Variants in RBBP5 observed in about 807,000 individuals in gnomAD.
RBBP5 encodes the protein retinoblastoma-binding protein 5.
Under a neutral mutation model 72.2 loss-of-function variants are expected in RBBP5, and 5 were observed. The observed-to-expected ratio is 0.07, with a 90% CI of 0.04 to 0.15. The LOEUF is 0.15. Among genes scored for constraint, RBBP5 ranks in the 10% least tolerant of loss-of-function variants. RBBP5 has a pLI of 1.00. For synonymous variants in RBBP5, 209 were observed against 237.2 expected, an observed-to-expected ratio of 0.88 and a Z score of 1.09; for missense variants, 322 against 652.2, an observed-to-expected ratio of 0.49 and a Z score of 5.51.
At chr1:205,098,063 T>C (rs1026507018) in intron 10 of RBBP5, among the ~76,000 whole-genome samples, 4 of 152,178 alleles carry the variant, frequency 2.6e-5, no homozygotes, top group African/African-American at 9.6e-5. Context: ...AGCTCCTATC[T>C]AGAAATTCAG....
chr1:205,088,573 T>G lies in RBBP5; in HGVS notation c.*214A>C. On this transcript the variant is annotated 3_prime_UTR_variant, in exon 14 of 14. Transcript: ENST00000264515. ...CTTCACAAATCTTCATTCCTGAGAGTCTATTTGGACTTATGCTTGAAAGGG... is the reference window on the plus strand; with the variant it reads ...CTTCACAAATCTTCATTCCTGAGAGGCTATTTGGACTTATGCTTGAAAGGG... 1 of 511,492 alleles carries G rather than the reference T, an allele frequency of 2.0e-6. No individual in the cohort carries two copies. The highest frequency in any genetic ancestry group is 3.4e-6 in the Non-Finnish European group (1 of 293,216). 31.7% of individuals were successfully genotyped at this position (511,492 alleles called of 1,614,324 possible).
At position 205,120,627 on chromosome 1, in the gene RBBP5, C is replaced by T. The variant is rs1367888526; in HGVS notation, c.19+1228G>A. Among the ~76,000 whole-genome samples the T allele has an allele frequency of 2.0e-5, 3 of 152,092 alleles. No individual in the cohort carries two copies. In the East Asian group the frequency reaches 5.8e-4, roughly 29 times the overall value. On this transcript the variant is annotated intron_variant, in intron 1 of 13. Coordinates refer to ENST00000264515, the MANE Select transcript of RBBP5 (RefSeq NM_005057.4). ...TGAAACCCCATCTCTGCTAAACATA[C>T]AAAAATTAGCCAGGCATGGCAGTGC...
intron 3 of RBBP5, among the ~76,000 whole-genome samples, chr1:205,111,012 C>T (rs1029612068): frequency 6.6e-6 from 1 of 151,902 alleles, no homozygotes; most frequent in African/African-American, 2.4e-5. Context: ...TGCAGTGAGC[C>T]GAGATCGTGC....
In RBBP5 at chr1:205,088,606, G is replaced by T. The variant is rs1437024110; in HGVS notation, c.*181C>A. ...GACTTATGCTTGAAAGGGAAGGGAA[G>T]GTCGTATACTCTTCTTCCATAATTC... On this transcript the variant is annotated 3_prime_UTR_variant, in exon 14 of 14. Coordinates refer to ENST00000264515, the MANE Select transcript of RBBP5 (RefSeq NM_005057.4). 3 of 576,796 alleles carry T rather than the reference G, an allele frequency of 5.2e-6. No homozygotes were observed. Among genetic ancestry groups the T allele is most frequent in the Non-Finnish European group, 6.0e-6 (2 of 331,350 alleles). The allele number at this position is 576,796 out of a possible 1,614,324, so 35.7% of individuals were successfully genotyped here.
intron 3 of RBBP5, among the ~76,000 whole-genome samples, chr1:205,109,574 TA>T (rs61377352): frequency 0.51 from 76,586 of 150,450 alleles, 20,453 homozygotes; most frequent in East Asian, 0.94. Flanking sequence ...GTGGGTGGGG[TA>T]AAAAAAAAAA....
intron 5 of RBBP5, among the ~76,000 whole-genome samples, chr1:205,102,823 G>A (rs1281819260): frequency 1.3e-5 from 2 of 151,834 alleles, no homozygotes; most frequent in African/African-American, 4.8e-5. Flanking sequence ...GAGAGACCCC[G>A]TCTCTACTAA....
intron 13 of RBBP5, among the ~76,000 whole-genome samples, chr1:205,090,682 C>G (rs980680257): frequency 6.6e-6 from 1 of 152,162 alleles, no homozygotes; most frequent in Non-Finnish European, 1.5e-5. Flanking sequence ...AAATTCAGCT[C>G]AAAATGACCA....
At chr1:205,097,417 G>T (rs1405909100) in intron 10 of RBBP5, 22 bp from the exon 11 acceptor site, 4 of 1,551,040 alleles carry the variant, frequency 2.6e-6, no homozygotes, top group Non-Finnish European at 3.5e-6. Flanking sequence ...AAACACAGGA[G>T]ATGTTTGAGA....
chr1:205,088,961 T>C, intron 13 of RBBP5, 146 bp from the exon 14 acceptor site: 1 of 669,548 alleles, frequency 1.5e-6, no homozygotes, highest in Non-Finnish European at 2.4e-6. Context: ...CATAACCAAC[T>C]CCAACTCCCA....
At chr1:205,101,845 C>G in intron 5 of RBBP5, 136 bp from the exon 6 acceptor site, 1 of 546,410 alleles carries the variant, frequency 1.8e-6, no homozygotes. Context: ...ACCTGATTAA[C>G]TGGTATTGCT....
In RBBP5 at chr1:205,121,974, C is replaced by G; in HGVS notation, c.-101G>C. 6.4e-7 allele frequency: 1 copy of G among 1,556,756 alleles called. No homozygotes were observed. Among genetic ancestry groups the G allele is most frequent in the Non-Finnish European group, 8.7e-7 (1 of 1,147,472 alleles). On this transcript the variant is annotated 5_prime_UTR_variant, in exon 1 of 14. Transcript: ENST00000264515. ...CTAAGTGGTGGACGCCGCGAAGAGA[C>G]TGGCGCAAGCTCCGAAGACTTTCGG... is the stretch of plus-strand genomic sequence containing the variant.
chr1:205,099,638 T>C lies in RBBP5; in HGVS notation c.978+103A>G, dbSNP rs904490045. On this transcript the variant is annotated intron_variant, in intron 9 of 13. Coordinates refer to ENST00000264515, the MANE Select transcript of RBBP5 (RefSeq NM_005057.4). The surrounding 1 kb of genome is among the most constrained non-coding windows in gnomAD (Gnocchi z 4.7). ...TGTAATTTAGGTTGCGAGAATCATA[T>C]GCAAAAGAAAATAAAAATGTAATTT... 8.0e-7 allele frequency: 1 copy of C among 1,248,044 alleles called. No individual in the cohort carries two copies. Among genetic ancestry groups the C allele is most frequent in the Non-Finnish European group, 1.1e-6 (1 of 888,638 alleles). 77.3% of individuals were successfully genotyped at this position (1,248,044 alleles called of 1,614,324 possible). A position where few individuals can be genotyped will look rare whatever the true frequency, so the allele number is the denominator to read the frequency against.
At chr1:205,105,664 G>T (rs1246865873) in intron 3 of RBBP5, among the ~76,000 whole-genome samples, 1 of 152,196 alleles carries the variant, frequency 6.6e-6, no homozygotes, top group East Asian at 1.9e-4. Flanking sequence ...GTTCTGAAAG[G>T]TAGACAAAGG....
chr1:205,113,397 C>T (rs1263844234), intron 3 of RBBP5, among the ~76,000 whole-genome samples: 1 of 151,776 alleles, frequency 6.6e-6, no homozygotes, highest in Non-Finnish European at 1.5e-5. Context: ...TCTCCCACTT[C>T]AGCTTCCTAA....
rs1553352238 is a variant in RBBP5 at position 205,093,558 on chromosome 1, A to ACACGCACACG, written c.1588+1314_1588+1315insCGTGTGCGTG. Among the ~76,000 whole-genome samples the ACACGCACACG allele has an allele frequency of 1.2e-4, 14 of 115,966 alleles. 1 individual carries two copies. The highest frequency in any genetic ancestry group is 2.0e-4 in the Non-Finnish European group (12 of 59,574). The allele number at this position is 115,966 out of a possible 152,430, so 76.1% of individuals were successfully genotyped here. A position where few individuals can be genotyped will look rare whatever the true frequency, so the allele number is the denominator to read the frequency against. ...TACACACACACACACACACACACAC[A>ACACGCACACG]CACACACACACAGCATTATATGTAT... On this transcript the variant is annotated intron_variant, in intron 13 of 13. Coordinates refer to ENST00000264515, the MANE Select transcript of RBBP5 (RefSeq NM_005057.4).
intron 1 of RBBP5, among the ~76,000 whole-genome samples, chr1:205,118,613 A>G (rs1288273613): frequency 6.6e-6 from 1 of 151,938 alleles, no homozygotes; most frequent in African/African-American, 2.4e-5. Flanking sequence ...CAGAAGCAAG[A>G]CTCCCTCTAA....
chr1:205,107,087 T>TGTGTGTGTATATATATATATGTATAC (rs1656100175), intron 3 of RBBP5, among the ~76,000 whole-genome samples: 1 of 149,866 alleles, frequency 6.7e-6, no homozygotes, highest in Non-Finnish European at 1.5e-5. Context: ...TATATATATA[T>TGTGTGTGTATATATATATATGTATAC]ACACACACAC....
chr1:205,115,633 G>C (rs1656490189), intron 2 of RBBP5, among the ~76,000 whole-genome samples: 1 of 152,248 alleles, frequency 6.6e-6, no homozygotes. Context: ...TTATTTAAAG[G>C]AAAATGAACT....
chr1:205,107,520 A>C (rs994606859), intron 3 of RBBP5, among the ~76,000 whole-genome samples: 2 of 152,240 alleles, frequency 1.3e-5, no homozygotes. Flanking sequence ...GGGTAAACTG[A>C]GACACTTGTT....
Sources: allele counts gnomAD v4.1 joint callset (sites outside exome capture counted in the v4.1 genomes callset), GRCh38; gene constraint gnomAD v4.1.1; non-coding constraint Gnocchi (gnomAD v3.1); transcripts MANE v1.5; gene names NCBI Gene and HGNC (gene_info 2026-07-23, HGNC 2026-07-21).